The following MOB1B variants were observed in gnomAD, a reference collection of about 807,000 sequenced individuals.
MOB1B encodes the protein MOB1 Mps One Binder homolog B.
In MOB1B, 19 loss-of-function variants were observed where a neutral mutation model predicts 24.4. The observed-to-expected ratio is 0.78, with a 90% CI of 0.54 to 1.14. The LOEUF is 1.14. Ranked by LOEUF, MOB1B falls within the 50% of genes most tolerant of loss-of-function variation. The pLI is 0.00. For synonymous variants in MOB1B, 76 were observed against 82.1 expected (o/e 0.93, Z 0.40); for missense variants, 243 against 259.6 (o/e 0.94, Z 0.44).
intron 4 of MOB1B, 67 bp from the exon 5 acceptor site, chr4:70,979,061 T>C (rs1004487601): frequency 3.8e-6 from 5 of 1,314,550 alleles, no homozygotes; most frequent in Non-Finnish European, 4.3e-6. Context: ...TGTTGACCTT[T>C]GCCGACAAAC....
chr4:70,902,412 C>G lies in MOB1B; in HGVS notation c.-125C>G. On this transcript the variant is annotated 5_prime_UTR_variant, in exon 1 of 6. Coordinates refer to ENST00000309395, the MANE Select transcript of MOB1B (RefSeq NM_173468.4). ...GAACTAGTTGCGGCCACCGAGCAGC[C>G]GGCTCTCGGCACCTCCTCCTCCGCC... 2.9e-6 allele frequency: 3 copies of G among 1,047,500 alleles called. No individual in the cohort carries two copies. The highest frequency in any genetic ancestry group is 4.3e-6 in the Non-Finnish European group (3 of 690,930). The allele number at this position is 1,047,500 out of a possible 1,614,324, so 64.9% of individuals were successfully genotyped here.
intron 1 of MOB1B, among the ~76,000 whole-genome samples, chr4:70,951,594 A>G (rs1490326557): frequency 6.6e-6 from 1 of 152,252 alleles, no homozygotes; most frequent in East Asian, 1.9e-4. Context: ...CATCATTCAC[A>G]TTCTAGTCAG....
At chr4:70,958,283 G>C (rs1738152901) in intron 1 of MOB1B, among the ~76,000 whole-genome samples, 1 of 151,562 alleles carries the variant, frequency 6.6e-6, no homozygotes, top group Non-Finnish European at 1.5e-5. Context: ...TCCTGCCTCA[G>C]CCTCCTGAGT....
rs766443082 is a variant in MOB1B, at chr4:70,958,657, A to G, written c.15-217A>G. 7.6e-6 allele frequency: 5 copies of G among 655,992 alleles called. No individual in the cohort carries two copies. In the African/African-American group the frequency reaches 8.8e-5, roughly 12 times the overall value. 40.6% of individuals were successfully genotyped at this position (655,992 alleles called of 1,614,324 possible). A position where few individuals can be genotyped will look rare whatever the true frequency, so the allele number is the denominator to read the frequency against. The stretch of plus-strand genomic sequence containing the variant: ...TTGTTTTTTCATTAATTTATTGAGA[A>G]GAGGTGTTAGTTACAGCTTAAAAAT... On this transcript the variant is annotated intron_variant, in intron 1 of 5. Coordinates refer to ENST00000309395, the MANE Select transcript of MOB1B (RefSeq NM_173468.4).
intron 5 of MOB1B, 40 bp downstream of exon 5, chr4:70,979,331 AT>A: frequency 6.7e-7 from 1 of 1,499,376 alleles, no homozygotes; most frequent in Non-Finnish European, 9.2e-7. Flanking sequence ...CAGGGTAAGC[AT>A]TTATCTTCAT....
chr4:70,963,171 A>G (rs1270292801), intron 2 of MOB1B, among the ~76,000 whole-genome samples: 1 of 152,174 alleles, frequency 6.6e-6, no homozygotes, highest in Non-Finnish European at 1.5e-5. Flanking sequence ...AATAAGGGCT[A>G]TCTAGGCAAC....
rs756649157 is a variant in MOB1B at position 70,941,398 on chromosome 4, A to G, written c.15-17476A>G. ...GCTCTGTTGCCCAGGCTGGAGTGCA[A>G]TGTGGTGATCTCGGCTCACTGAAAG... On this transcript the variant is annotated intron_variant, in intron 1 of 5. Transcript: ENST00000309395. Among the ~76,000 whole-genome samples the G allele has an allele frequency of 2.6e-5, 4 of 152,082 alleles. No homozygotes were observed. In the Middle Eastern group the frequency reaches 0.01, roughly 388 times the overall value.
At chr4:70,966,247 A>T (rs1738526579) in intron 2 of MOB1B, among the ~76,000 whole-genome samples, 1 of 152,280 alleles carries the variant, frequency 6.6e-6, no homozygotes, top group African/African-American at 2.4e-5. Flanking sequence ...TACAAAGGTT[A>T]GTTTAGCATC....
intron 1 of MOB1B, among the ~76,000 whole-genome samples, chr4:70,916,963 A>G (rs563998468): frequency 1.3e-5 from 2 of 152,226 alleles, no homozygotes; most frequent in Non-Finnish European, 2.9e-5. Flanking sequence ...AGCCAATTCC[A>G]TTATAACTTT....
chr4:70,959,352 G>A (rs1468464219), intron 2 of MOB1B, among the ~76,000 whole-genome samples: 1 of 152,114 alleles, frequency 6.6e-6, no homozygotes, highest in Non-Finnish European at 1.5e-5. Context: ...TGGGACTGTA[G>A]GCACATACCA....
chr4:70,950,762 TG>T (rs1236296771), intron 1 of MOB1B: 2 of 1,534,650 alleles, frequency 1.3e-6, no homozygotes, highest in African/African-American at 2.7e-5. Flanking sequence ...ATACCTGATC[TG>T]TAGTGTTGGA....
chr4:70,954,010 C>G (rs895853381), intron 1 of MOB1B, among the ~76,000 whole-genome samples: 2 of 152,102 alleles, frequency 1.3e-5, no homozygotes, highest in African/African-American at 4.8e-5. Context: ...GATTTCCAGT[C>G]TAACCCTAAG....
chr4:70,902,015 C>A (rs1430930245), upstream of MOB1B, among the ~76,000 whole-genome samples: 1 of 152,146 alleles, frequency 6.6e-6, no homozygotes, highest in Non-Finnish European at 1.5e-5. Flanking sequence ...TCCCTCACTG[C>A]GGGACCTTGA....
At chr4:70,939,832 G>T (rs1737258198) in intron 1 of MOB1B, among the ~76,000 whole-genome samples, 1 of 152,230 alleles carries the variant, frequency 6.6e-6, no homozygotes, top group African/African-American at 2.4e-5. Context: ...TCTTGCCTTG[G>T]TGTACAGAAG....
chr4:70,956,365 C>T (rs1395469141), intron 1 of MOB1B, among the ~76,000 whole-genome samples: 6 of 152,074 alleles, frequency 3.9e-5, no homozygotes, highest in South Asian at 2.1e-4. Context: ...TAGGTTCAGG[C>T]GATCCTCCCA....
At chr4:70,964,260 G>A (rs1451346673) in intron 2 of MOB1B, among the ~76,000 whole-genome samples, 1 of 152,142 alleles carries the variant, frequency 6.6e-6, no homozygotes, top group Non-Finnish European at 1.5e-5. Flanking sequence ...TGAGCAACAT[G>A]ATTAACAGAC....
intron 1 of MOB1B, among the ~76,000 whole-genome samples, chr4:70,931,117 G>A (rs994916081): frequency 6.6e-6 from 1 of 152,044 alleles, no homozygotes; most frequent in African/African-American, 2.4e-5. Context: ...GAGAAATCAT[G>A]GTTGTCCTGT....
chr4:70,946,053 A>G (rs1007728385), intron 1 of MOB1B, among the ~76,000 whole-genome samples: 2 of 150,504 alleles, frequency 1.3e-5, no homozygotes, highest in African/African-American at 4.9e-5. Flanking sequence ...TTTGCAGGCA[A>G]ATGCTTTGGC....
At chr4:70,903,802 T>C (rs1578335901) in intron 1 of MOB1B, among the ~76,000 whole-genome samples, 1 of 151,998 alleles carries the variant, frequency 6.6e-6, no homozygotes, top group Admixed American at 6.6e-5. Context: ...AGACTTGATA[T>C]TTCCAATATG....
Sources: gnomAD v4.1 joint callset for allele counts (sites outside exome capture counted in the v4.1 genomes callset) on GRCh38, gnomAD v4.1.1 for gene constraint, MANE v1.5 for transcripts, NCBI Gene and HGNC (gene_info 2026-07-23, HGNC 2026-07-21) for gene names.